ELMO1: variants seen among roughly 807,000 people sequenced by gnomAD.
ELMO1 encodes the protein engulfment and cell motility protein 1.
ELMO1 carries 26 observed loss-of-function variants against 98.9 expected under a neutral mutation model. The observed-to-expected ratio is 0.26, with a 90% confidence interval of 0.19 to 0.36. The LOEUF (loss-of-function observed/expected upper bound fraction) is 0.36. ELMO1 is among the 10% of genes least tolerant of loss of function. The probability of loss-of-function intolerance (pLI) is 1.00; values close to 1 mark genes in which losing one functional copy is unlikely to be tolerated. For synonymous variants in ELMO1, 346 were observed against 346.0 expected (o/e 1.00, Z 0.00); for missense variants, 627 against 935.2 (o/e 0.67, Z 4.30).
chr7:37,402,116 T>A (rs1230872347), intron 1 of ELMO1, among the ~76,000 whole-genome samples: 1 of 152,220 alleles, frequency 6.6e-6, no homozygotes, highest in Non-Finnish European at 1.5e-5. Context: ...TTTTCTATTG[T>A]CAATCTGTCT....
In ELMO1 at chr7:37,041,471, C is replaced by A. The variant is rs139357296; in HGVS notation, c.1301-28036G>T. On this transcript the variant is annotated intron_variant, in intron 15 of 21. Coordinates refer to ENST00000310758, the MANE Select transcript of ELMO1 (RefSeq NM_014800.11). ...GTCTATGTGTGCCAAAGGAAAGACA[C>A]ACACGTTTATCAGGAGTGAGTGTTT... Among the ~76,000 whole-genome samples, 460 of 152,304 alleles carry A rather than the reference C, an allele frequency of 3.0e-3. 1 individual carries two copies. The highest frequency in any genetic ancestry group is 5.4e-3 in the Non-Finnish European group (365 of 68,026).
intron 13 of ELMO1, among the ~76,000 whole-genome samples, chr7:37,177,531 C>A (rs761230395): frequency 6.6e-6 from 1 of 152,070 alleles, no homozygotes; most frequent in Non-Finnish European, 1.5e-5. Context: ...ACAAAAGTGA[C>A]CTTCCTTCTA....
At chr7:37,320,170 G>A (rs777380722) in intron 2 of ELMO1, among the ~76,000 whole-genome samples, 4 of 151,994 alleles carry the variant, frequency 2.6e-5, no homozygotes, top group Non-Finnish European at 5.9e-5. Flanking sequence ...CCAGCTACTC[G>A]GGAGCCTGAG....
rs1803399287 is a variant in ELMO1 at position 36,870,302 on chromosome 7, A to G, written c.1905+91T>C. On this transcript the variant is annotated intron_variant, in intron 20 of 21. Coordinates refer to ENST00000310758, the MANE Select transcript of ELMO1 (RefSeq NM_014800.11). This position sits in a 1 kb window ranked among gnomAD's most constrained non-coding sequence, Gnocchi z 4.4. ...TGTGTGTCTGAACACACGCACACACACGAACACTGCTATAAAGGAGGGCTA... is the reference window on the plus strand; with the variant it reads ...TGTGTGTCTGAACACACGCACACACGCGAACACTGCTATAAAGGAGGGCTA... 8.9e-7 allele frequency: 1 copy of G among 1,120,674 alleles called. No individual in the cohort carries two copies. Among genetic ancestry groups the G allele is most frequent in the Non-Finnish European group, 1.3e-6 (1 of 744,760 alleles). 69.4% of individuals were successfully genotyped at this position (1,120,674 alleles called of 1,614,324 possible). A position where few individuals can be genotyped will look rare whatever the true frequency, so the allele number is the denominator to read the frequency against.
chr7:36,972,036 T>C (rs1490625881), intron 16 of ELMO1, among the ~76,000 whole-genome samples: 1 of 152,208 alleles, frequency 6.6e-6, no homozygotes, highest in African/African-American at 2.4e-5. Context: ...AGTGGTTGCT[T>C]TCTGGCCCCC....
intron 1 of ELMO1, among the ~76,000 whole-genome samples, chr7:37,362,538 T>C (rs1801738716): frequency 1.3e-5 from 2 of 152,142 alleles, no homozygotes; most frequent in Non-Finnish European, 1.5e-5. Flanking sequence ...GGTAGTCTCA[T>C]CCAATCCCAT....
rs190680110 is a variant in ELMO1, at chr7:37,391,176, G to A, written c.-73-48413C>T. ...CTATTGTCCAGGCTGGAGCGTGGTG[G>A]CTCGATCTCAGCTCACTGCAACCTC... On this transcript the variant is annotated intron_variant, in intron 1 of 21. Coordinates refer to ENST00000310758, the MANE Select transcript of ELMO1 (RefSeq NM_014800.11). Among the ~76,000 whole-genome samples the A allele has an allele frequency of 9.7e-4, 147 of 151,978 alleles. 3 individuals carry two copies. Among genetic ancestry groups the A allele is most frequent in the Admixed American group, 8.1e-3 (124 of 15,294 alleles).
intron 1 of ELMO1, among the ~76,000 whole-genome samples, chr7:37,377,173 A>G (rs1322543761): frequency 3.9e-5 from 6 of 152,222 alleles, no homozygotes; most frequent in African/African-American, 1.4e-4. Context: ...TAGCTTAGAA[A>G]AATATCAAAA....
chr7:36,976,766 A>C (rs920377590), intron 16 of ELMO1, among the ~76,000 whole-genome samples: 1 of 152,218 alleles, frequency 6.6e-6, no homozygotes, highest in Non-Finnish European at 1.5e-5. Context: ...GATCAGTTTT[A>C]ATGTACGTGT....
At chr7:37,274,253 TAAC>T (rs1584903925) in intron 4 of ELMO1, among the ~76,000 whole-genome samples, 1 of 152,252 alleles carries the variant, frequency 6.6e-6, no homozygotes, top group East Asian at 1.9e-4. Context: ...TGGCAAATAC[TAAC>T]AACAGAGTTC....
Position 37,087,683 on chromosome 7 carries a change from C to T in ELMO1, c.1300+8936G>A, listed in dbSNP as rs564879354. Among the ~76,000 whole-genome samples the T allele has an allele frequency of 4.6e-5, 7 of 152,218 alleles. No homozygotes were observed. The East Asian group carries it at 7.7e-4, about 17-fold the overall frequency. ...TGTCCACTGCTAGCAAATGCAAAGG[C>T]TTTTGTAACATGTACTTTTCATCAT... On this transcript the variant is annotated intron_variant, in intron 15 of 21. Coordinates refer to ENST00000310758, the MANE Select transcript of ELMO1 (RefSeq NM_014800.11).
chr7:37,360,514 G>A lies in ELMO1; in HGVS notation c.-73-17751C>T, dbSNP rs578093517. 2.0e-5 allele frequency among the ~76,000 whole-genome samples: 3 copies of A among 150,568 alleles called. No individual in the cohort carries two copies. The South Asian group carries it at 6.3e-4, about 32-fold the overall frequency. ...AATTAGCTCAGCCACACACTTAAAA[G>A]ACAAAACTCTAGGGGTCCAACAGAT... On this transcript the variant is annotated intron_variant, in intron 1 of 21. Transcript: ENST00000310758.
intron 13 of ELMO1, among the ~76,000 whole-genome samples, chr7:37,172,470 T>C (rs1790231912): frequency 6.6e-6 from 1 of 152,288 alleles, no homozygotes; most frequent in Non-Finnish European, 1.5e-5. Context: ...TTCATTTCAT[T>C]TCCTCCCTGC....
chr7:37,344,797 G>T (rs1000892284), intron 1 of ELMO1, among the ~76,000 whole-genome samples: 7 of 152,218 alleles, frequency 4.6e-5, no homozygotes, highest in Non-Finnish European at 7.3e-5. Flanking sequence ...TGAACATAAA[G>T]AGGAAAAGAC....
At chr7:37,090,125 A>G (rs934468665) in intron 15 of ELMO1, among the ~76,000 whole-genome samples, 4 of 152,230 alleles carry the variant, frequency 2.6e-5, no homozygotes, top group Non-Finnish European at 5.9e-5. Context: ...CAGAACAGAA[A>G]GATGAAAATA....
intron 16 of ELMO1, among the ~76,000 whole-genome samples, chr7:36,948,919 G>A (rs1350944205): frequency 6.6e-6 from 1 of 152,106 alleles, no homozygotes; most frequent in Non-Finnish European, 1.5e-5. Flanking sequence ...GCAATGGTAC[G>A]ATCTTGGCTC....
At chr7:37,187,266 T>G (rs10250337) in intron 13 of ELMO1, among the ~76,000 whole-genome samples, 26,247 of 152,158 alleles carry the variant, frequency 0.17, 2,603 homozygotes, top group Middle Eastern at 0.24. Flanking sequence ...GACAAATCTA[T>G]AGACAACGTA....
chr7:37,257,614 C>T (rs575390718), intron 6 of ELMO1, among the ~76,000 whole-genome samples: 2 of 146,000 alleles, frequency 1.4e-5, no homozygotes, highest in East Asian at 2.0e-4. Context: ...TCCCAAGTCC[C>T]AGCACTTCTG....
intron 1 of ELMO1, among the ~76,000 whole-genome samples, chr7:37,441,999 C>A (rs1367629765): frequency 6.6e-6 from 1 of 152,174 alleles, no homozygotes; most frequent in African/African-American, 2.4e-5. Context: ...TGATAACACA[C>A]AACTGGTCTC....
Sources: allele counts gnomAD v4.1 joint callset (sites outside exome capture counted in the v4.1 genomes callset), GRCh38; gene constraint gnomAD v4.1.1; non-coding constraint Gnocchi (gnomAD v3.1); transcripts MANE v1.5; gene names NCBI Gene and HGNC (gene_info 2026-07-23, HGNC 2026-07-21).